SYT1: variants seen among roughly 807,000 people sequenced by gnomAD.
The protein encoded by SYT1 is synaptotagmin-1.
Under a neutral mutation model 44.8 loss-of-function variants are expected in SYT1, and 8 were observed. The observed-to-expected ratio is 0.18, with a 90% CI of 0.10 to 0.32. The LOEUF (loss-of-function observed/expected upper bound fraction) is 0.32, where lower values mean the gene tolerates loss of function less well. Ranked by LOEUF, SYT1 falls within the 10% of genes least tolerant of loss-of-function variation. The pLI is 1.00. For synonymous variants in SYT1, 154 were observed against 188.8 expected, an observed-to-expected ratio of 0.82 and a Z score of 1.51; for missense variants, 286 against 509.3, an observed-to-expected ratio of 0.56 and a Z score of 4.22.
chr12:79,427,289 A>T lies in SYT1; in HGVS notation c.929-16784A>T, dbSNP rs534587526. ...TACAAGTTTCATTCACCATTATGTT[A>T]GTGTTCAGTGAGTAAATTATGCCAT... On this transcript the variant is annotated intron_variant, in intron 9 of 10. Transcript: ENST00000261205. Among the ~76,000 whole-genome samples the T allele has an allele frequency of 2.0e-5, 3 of 152,330 alleles. No homozygotes were observed. In the South Asian group the frequency reaches 6.2e-4, roughly 32 times the overall value.
At chr12:79,211,530 G>A (rs1207014758) in intron 3 of SYT1, among the ~76,000 whole-genome samples, 2 of 151,636 alleles carry the variant, frequency 1.3e-5, no homozygotes, top group South Asian at 2.1e-4. Context: ...ATGCTGGTGC[G>A]CTGCACCCAC....
At chr12:78,967,466 G>A (rs1390049155) in intron 1 of SYT1, among the ~76,000 whole-genome samples, 2 of 152,162 alleles carry the variant, frequency 1.3e-5, no homozygotes, top group African/African-American at 4.8e-5. Context: ...AGAAGGAAAA[G>A]GAATACCAGG....
At chr12:79,203,716 C>A (rs934778202) in intron 3 of SYT1, among the ~76,000 whole-genome samples, 2 of 152,172 alleles carry the variant, frequency 1.3e-5, no homozygotes, top group African/African-American at 4.8e-5. Flanking sequence ...AAACGGCCAA[C>A]AATCTTGCTT....
At chr12:79,156,441 G>A (rs550953259) in intron 3 of SYT1, among the ~76,000 whole-genome samples, 1 of 150,634 alleles carries the variant, frequency 6.6e-6, no homozygotes, top group African/African-American at 2.5e-5. Context: ...GGTTGTTGCT[G>A]CTGTTGTTGT....
At chr12:79,256,402 A>G (rs1042982458) in intron 4 of SYT1, among the ~76,000 whole-genome samples, 2 of 152,216 alleles carry the variant, frequency 1.3e-5, no homozygotes, top group Admixed American at 6.5e-5. Context: ...TGATTTTAAT[A>G]TATCCAGGGA....
At chr12:79,345,106 A>T (rs1479461532) in intron 8 of SYT1, among the ~76,000 whole-genome samples, 1 of 152,232 alleles carries the variant, frequency 6.6e-6, no homozygotes, top group Middle Eastern at 3.4e-3. Context: ...ATCTCAGCTC[A>T]GGTAACCGCT....
intron 9 of SYT1, among the ~76,000 whole-genome samples, chr12:79,436,995 G>C (rs573785348): frequency 6.6e-6 from 1 of 152,274 alleles, no homozygotes; most frequent in East Asian, 1.9e-4. Context: ...AATCTTCAGG[G>C]AAGTGGTGAC....
intron 1 of SYT1, among the ~76,000 whole-genome samples, chr12:78,924,529 A>G (rs1877193042): frequency 6.6e-6 from 1 of 150,782 alleles, no homozygotes; most frequent in African/African-American, 2.4e-5. Flanking sequence ...GCTTTTTTCC[A>G]CCTAATTATT....
intron 1 of SYT1, among the ~76,000 whole-genome samples, chr12:78,931,855 T>C (rs1877774145): frequency 6.6e-6 from 1 of 152,142 alleles, no homozygotes; most frequent in Admixed American, 6.5e-5. Flanking sequence ...AGCTGAGCAG[T>C]CAGGAGAGGA....
intron 2 of SYT1, among the ~76,000 whole-genome samples, chr12:78,989,514 A>C (rs1157206713): frequency 6.6e-6 from 1 of 152,126 alleles, no homozygotes; most frequent in Non-Finnish European, 1.5e-5. Context: ...CATCTCAAGC[A>C]TCATATCCTC....
intron 1 of SYT1, among the ~76,000 whole-genome samples, chr12:78,955,837 T>C (rs928921994): frequency 6.7e-6 from 1 of 148,576 alleles, no homozygotes; most frequent in Non-Finnish European, 1.5e-5. Context: ...TGTGTGTGTG[T>C]GCATGTAGAG....
At chr12:79,201,119 G>A (rs191258032) in intron 3 of SYT1, among the ~76,000 whole-genome samples, 1 of 152,076 alleles carries the variant, frequency 6.6e-6, no homozygotes, top group African/African-American at 2.4e-5. Context: ...TTATAGTAAC[G>A]TTCCTAGGAT....
Position 79,047,306 on chromosome 12 carries a change from A to G in SYT1, c.-74A>G, listed in dbSNP as rs1486147889. 6.6e-6 allele frequency: 1 copy of G among 151,880 alleles called. No homozygotes were observed. Among genetic ancestry groups the G allele is most frequent in the African/African-American group, 2.4e-5 (1 of 41,440 alleles). The allele number at this position is 151,880 out of a possible 1,614,324, so 9.4% of individuals were successfully genotyped here. ...ATTGTTTTCCTTTTAGAAAAACAGA[A>G]TAATTCTGAAAGAAAGAAAACAAAG... On this transcript the variant is annotated 5_prime_UTR_variant, in exon 3 of 11. Coordinates refer to ENST00000261205, the MANE Select transcript of SYT1 (RefSeq NM_005639.3).
intron 3 of SYT1, among the ~76,000 whole-genome samples, chr12:79,088,443 A>C (rs1877534515): frequency 6.6e-6 from 1 of 152,128 alleles, no homozygotes; most frequent in Non-Finnish European, 1.5e-5. Flanking sequence ...ACTGAACGTC[A>C]GCAGAGCAAA....
intron 2 of SYT1, among the ~76,000 whole-genome samples, chr12:79,039,118 T>C (rs1490117027): frequency 1.3e-5 from 2 of 152,018 alleles, no homozygotes; most frequent in African/African-American, 2.4e-5. Flanking sequence ...TGGTTAGGTC[T>C]ACAGGGTGTG....
intron 4 of SYT1, among the ~76,000 whole-genome samples, chr12:79,238,078 A>G (rs908948767): frequency 1.3e-5 from 2 of 152,150 alleles, no homozygotes; most frequent in Non-Finnish European, 2.9e-5. Flanking sequence ...TCCACACTGA[A>G]TGAGGTATCA....
chr12:79,114,471 T>C (rs753881776), intron 3 of SYT1, among the ~76,000 whole-genome samples: 3 of 152,148 alleles, frequency 2.0e-5, no homozygotes, highest in Non-Finnish European at 4.4e-5. Flanking sequence ...AGGGGGCTGA[T>C]GCTCAATTCC....
chr12:79,026,160 T>C (rs1182765158), intron 2 of SYT1, among the ~76,000 whole-genome samples: 4 of 151,716 alleles, frequency 2.6e-5, no homozygotes, highest in Admixed American at 2.6e-4. Context: ...TTTATAATTC[T>C]AAGTTAACAG....
At chr12:78,882,154 CA>C (rs1033156076) in intron 1 of SYT1, among the ~76,000 whole-genome samples, 1 of 151,666 alleles carries the variant, frequency 6.6e-6, no homozygotes, top group Non-Finnish European at 1.5e-5. Flanking sequence ...AGTAGATGTT[CA>C]AAAAACGTTT....
Sources: gnomAD v4.1 joint callset for allele counts (sites outside exome capture counted in the v4.1 genomes callset) on GRCh38, gnomAD v4.1.1 for gene constraint, MANE v1.5 for transcripts, NCBI Gene and HGNC (gene_info 2026-07-23, HGNC 2026-07-21) for gene names.